KIFAP3: variants seen among roughly 807,000 people sequenced by gnomAD.
KIFAP3 encodes the protein kinesin associated protein 3, also known as kinesin-associated protein 3.
Under a neutral mutation model 106.5 loss-of-function variants are expected in KIFAP3, and 68 were observed. The ratio of observed to expected loss-of-function variants is 0.64; its 90% confidence interval spans 0.53 to 0.78. The LOEUF (loss-of-function observed/expected upper bound fraction) is 0.78, where lower values mean the gene tolerates loss of function less well. KIFAP3 is among the 30% of genes least tolerant of loss of function. KIFAP3 has a pLI of 0.00. For missense variants in KIFAP3, 780 were observed against 941.8 expected (o/e 0.83, Z 2.25); for synonymous variants, 320 against 311.5 (o/e 1.03, Z -0.29).
At chr1:170,069,320 A>G (rs1671590608) in intron 1 of KIFAP3, among the ~76,000 whole-genome samples, 1 of 152,092 alleles carries the variant, frequency 6.6e-6, no homozygotes, top group Non-Finnish European at 1.5e-5. Flanking sequence ...AACTCTTCCA[A>G]AAGATATAAC....
chr1:169,978,224 T>TA, intron 15 of KIFAP3, 41 bp from the exon 16 acceptor site: 1 of 1,268,774 alleles, frequency 7.9e-7, no homozygotes, highest in South Asian at 1.2e-5. Flanking sequence ...ATACTATGTT[T>TA]ATATACCAAA....
chr1:170,013,566 A>G (rs1668359244), intron 10 of KIFAP3, among the ~76,000 whole-genome samples: 1 of 151,794 alleles, frequency 6.6e-6, no homozygotes, highest in Non-Finnish European at 1.5e-5. Flanking sequence ...GATGAAGCCA[A>G]TATTCAAAGG....
intron 10 of KIFAP3, among the ~76,000 whole-genome samples, chr1:169,993,638 T>C (rs1375194986): frequency 1 from 61,450 of 61,510 alleles, 30,695 homozygotes; most frequent in Middle Eastern, 1. Context: ...GGTGATTTGC[T>C]TGTACCCAGA....
At chr1:170,074,826 C>G (rs929987817), upstream of KIFAP3, 1 of 1,072,398 alleles carries the variant, frequency 9.3e-7, no homozygotes, top group Admixed American at 3.7e-5. Context: ...TTTTGAGCGT[C>G]CGTGTATAAG....
intron 14 of KIFAP3, among the ~76,000 whole-genome samples, 186 bp from the exon 15 acceptor site, chr1:169,982,283 G>C (rs1354204426): frequency 2.0e-5 from 3 of 152,132 alleles, no homozygotes; most frequent in Non-Finnish European, 4.4e-5. Context: ...GTTTGTGATA[G>C]TGGGGGCAGG....
chr1:170,057,595 T>G (rs970679039), intron 1 of KIFAP3, among the ~76,000 whole-genome samples: 7 of 150,100 alleles, frequency 4.7e-5, no homozygotes, highest in Non-Finnish European at 1.0e-4. Context: ...CAGCTATAGT[T>G]TTTTTTTTTT....
chr1:170,004,227 A>G (rs1667821230), intron 10 of KIFAP3, among the ~76,000 whole-genome samples: 1 of 151,978 alleles, frequency 6.6e-6, no homozygotes, highest in Admixed American at 6.6e-5. Flanking sequence ...AAATGGAAGA[A>G]CATTCCATGC....
intron 3 of KIFAP3, among the ~76,000 whole-genome samples, chr1:170,040,463 C>T (rs1669911048): frequency 6.6e-6 from 1 of 152,034 alleles, no homozygotes; most frequent in African/African-American, 2.4e-5. Context: ...CCTCTAATTT[C>T]TGGGGAGCAA....
chr1:169,971,341 T>C (rs1558207663), intron 17 of KIFAP3, among the ~76,000 whole-genome samples: 2 of 152,022 alleles, frequency 1.3e-5, no homozygotes, highest in Non-Finnish European at 2.9e-5. Flanking sequence ...TATTAGAAAA[T>C]AGTACATGAG....
intron 2 of KIFAP3, among the ~76,000 whole-genome samples, chr1:170,050,648 G>C (rs1447321707): frequency 6.6e-6 from 1 of 152,204 alleles, no homozygotes; most frequent in African/African-American, 2.4e-5. Context: ...GGATCTCTCT[G>C]CAGAAATTCT....
rs760446521 is a variant in KIFAP3 at position 170,024,471 on chromosome 1, C to T, written c.967G>A (p.Val323Ile). ...CTGAGTTTCTTCAAGAATGACACAA[C>T]TAAAATTAGCAGCTCAAAATTGTCC... ...DRDNFELLIL[V>I]VSFLKKLSIF... Residue 323 changes from valine (V) to isoleucine (I), a missense_variant, in exon 9 of 20, where the codon GTT (valine) becomes ATT (isoleucine). By Grantham distance (29) the Val-to-Ile change is conservative (BLOSUM62 3). Transcript: ENST00000361580. 6.2e-7 allele frequency: 1 copy of T among 1,602,026 alleles called. No individual in the cohort carries two copies. Among genetic ancestry groups the T allele is most frequent in the South Asian group, 1.1e-5 (1 of 88,886 alleles).
At chr1:169,962,177 A>T (rs1665375361) in intron 17 of KIFAP3, among the ~76,000 whole-genome samples, 1 of 152,180 alleles carries the variant, frequency 6.6e-6, no homozygotes. Context: ...CAAATTAATG[A>T]TCTTATCTTA....
At chr1:169,980,411 C>T (rs1446662164) in intron 15 of KIFAP3, among the ~76,000 whole-genome samples, 3 of 152,018 alleles carry the variant, frequency 2.0e-5, no homozygotes, top group African/African-American at 7.3e-5. Context: ...GAGAACTTGG[C>T]CCTAATAAGA....
chr1:170,074,609 G>C lies in KIFAP3; in HGVS notation c.-142C>G. On this transcript the variant is annotated 5_prime_UTR_variant, in exon 1 of 20. Transcript: ENST00000361580. ...TGCAAGGCGGGGCAGCAGCGGCGCTGTGGTTACCACGGTGAAGCCTCCAGC... is the reference window on the plus strand; with the variant it reads ...TGCAAGGCGGGGCAGCAGCGGCGCTCTGGTTACCACGGTGAAGCCTCCAGC... 6.6e-7 allele frequency: 1 copy of C among 1,522,878 alleles called. No homozygotes were observed. The highest frequency in any genetic ancestry group is 8.8e-7 in the Non-Finnish European group (1 of 1,132,346). The allele number at this position is 1,522,878 out of a possible 1,614,324, so 94.3% of individuals were successfully genotyped here.
intron 6 of KIFAP3, 69 bp downstream of exon 6, chr1:170,035,385 G>C (rs181713976): frequency 5.9e-5 from 53 of 900,246 alleles, no homozygotes; most frequent in Non-Finnish European, 7.3e-5. Flanking sequence ...TCTACAAATT[G>C]AATCAATGAC....
intron 10 of KIFAP3, among the ~76,000 whole-genome samples, chr1:170,012,115 T>G (rs1281321303): frequency 1.3e-5 from 2 of 152,146 alleles, no homozygotes; most frequent in Admixed American, 1.3e-4. Context: ...TAAGTTCAGT[T>G]GTCAGTTTCC....
At chr1:169,970,071 A>T (rs1665826221) in intron 17 of KIFAP3, among the ~76,000 whole-genome samples, 2 of 152,046 alleles carry the variant, frequency 1.3e-5, no homozygotes, top group Admixed American at 1.3e-4. Context: ...AGTTCTCTAG[A>T]TCGGAGGGGT....
At chr1:170,066,785 T>C (rs763748029) in intron 1 of KIFAP3, among the ~76,000 whole-genome samples, 3 of 152,140 alleles carry the variant, frequency 2.0e-5, no homozygotes, top group Admixed American at 6.5e-5. Context: ...GTGAAACAGA[T>C]GCAGATCGGT....
At chr1:170,073,757 A>T (rs1671805271) in intron 1 of KIFAP3, among the ~76,000 whole-genome samples, 1 of 152,098 alleles carries the variant, frequency 6.6e-6, no homozygotes, top group Non-Finnish European at 1.5e-5. Flanking sequence ...CAGCACCCAA[A>T]TAATCCCAAC....
Sources: gnomAD v4.1 joint callset for allele counts (sites outside exome capture counted in the v4.1 genomes callset) on GRCh38, gnomAD v4.1.1 for gene constraint, MANE v1.5 for transcripts, NCBI Gene and HGNC (gene_info 2026-07-23, HGNC 2026-07-21) for gene names.